The following MALAT1 variants were observed in gnomAD, a reference collection of about 807,000 sequenced individuals.
MALAT1 encodes the protein metastasis associated lung adenocarcinoma transcript 1.
chr11:65,505,346 TGGA>T (rs1165679582), intron 3 of MALAT1: 3 of 518,770 alleles, frequency 5.8e-6, no homozygotes, highest in South Asian at 4.2e-5. Context: ...TCCCTCTTTC[TGGA>T]GTGAAGCATC....
At chr11:65,501,837 T>G (rs770371305) in exon 3 of MALAT1, 7 of 517,326 alleles carry the variant, frequency 1.4e-5, no homozygotes, top group Non-Finnish European at 2.3e-5. Flanking sequence ...AAAGTTTTAT[T>G]AAAGGGGAGG....
chr11:65,498,100 G>C (rs772489516), intron 1 of MALAT1: 9 of 518,798 alleles, frequency 1.7e-5, no homozygotes, highest in Non-Finnish European at 2.7e-5. Flanking sequence ...GCATAACACA[G>C]AATCTGCAAA....
At chr11:65,501,318 C>T (rs768427198) in exon 3 of MALAT1, 12 of 518,334 alleles carry the variant, frequency 2.3e-5, no homozygotes, top group African/African-American at 2.1e-4. Flanking sequence ...CAAGGTGTAA[C>T]AGAAAACAAG....
intron 1 of MALAT1, chr11:65,498,571 G>A (rs1854456091): frequency 1.9e-6 from 1 of 518,764 alleles, no homozygotes. Flanking sequence ...AGCAGTTGGG[G>A]GAGAAAGTCC....
chr11:65,502,669 C>T (rs754519474), exon 3 of MALAT1: 1 of 488,576 alleles, frequency 2.0e-6, no homozygotes, highest in Non-Finnish European at 4.0e-6. Flanking sequence ...TGAGTCATAA[C>T]CAGCCTGGCA....
chr11:65,501,530 A>G (rs764361746), exon 3 of MALAT1: 2 of 518,686 alleles, frequency 3.9e-6, no homozygotes, highest in East Asian at 1.1e-4. Flanking sequence ...GCATTTTGGG[A>G]TGGTCTTAAC....
exon 3 of MALAT1, chr11:65,500,254 C>T (rs1394932082): frequency 2.7e-5 from 14 of 518,326 alleles, no homozygotes; most frequent in South Asian, 1.5e-4. Context: ...AATATAGTAG[C>T]TTAGTTTGAA....
exon 3 of MALAT1, chr11:65,500,782 G>A (rs769842345): frequency 5.8e-6 from 3 of 518,930 alleles, no homozygotes; most frequent in Non-Finnish European, 1.2e-5. Flanking sequence ...CCGTGAGGTC[G>A]GCAATATGTT....
intron 1 of MALAT1, chr11:65,498,184 GTC>G (rs530936764): frequency 1.9e-6 from 1 of 518,898 alleles, no homozygotes; most frequent in South Asian, 1.4e-5. Context: ...GCTGCCCAAG[GTC>G]TCTGTGTCTT....
chr11:65,506,317 CAGG>C, exon 4 of MALAT1: 3 of 464,810 alleles, frequency 6.5e-6, no homozygotes, highest in Non-Finnish European at 1.3e-5. Flanking sequence ...TATAATTTGT[CAGG>C]AGCTTGACTT....
At chr11:65,504,733 A>G (rs1466621449) in intron 3 of MALAT1, 1 of 518,814 alleles carries the variant, frequency 1.9e-6, no homozygotes, top group Non-Finnish European at 3.8e-6. Context: ...GGCAAGTGGA[A>G]ATGTTTAAAC....
intron 3 of MALAT1, chr11:65,505,614 C>T: frequency 1.9e-6 from 1 of 518,974 alleles, no homozygotes; most frequent in Non-Finnish European, 3.8e-6. Context: ...CACCTCGATG[C>T]AGCCAGTAGC....
chr11:65,505,570 G>A (rs766505303), intron 3 of MALAT1: 4 of 515,884 alleles, frequency 7.8e-6, no homozygotes, highest in East Asian at 1.1e-4. Flanking sequence ...TCGCCACCCC[G>A]TGCCTTTTGA....
At chr11:65,498,094 A>G (rs1854433724) in intron 1 of MALAT1, 1 of 518,852 alleles carries the variant, frequency 1.9e-6, no homozygotes, top group South Asian at 1.4e-5. Flanking sequence ...AACCAGGCAT[A>G]ACACAGAATC....
At chr11:65,505,624 C>T (rs186457956) in intron 3 of MALAT1, 20 of 519,020 alleles carry the variant, frequency 3.9e-5, no homozygotes, top group African/African-American at 3.6e-4. Flanking sequence ...CAGCCAGTAG[C>T]TTGGATCCTT....
exon 4 of MALAT1, chr11:65,506,262 G>A (rs1271019200): frequency 2.2e-6 from 1 of 452,046 alleles, no homozygotes; most frequent in Non-Finnish European, 4.3e-6. Context: ...TTGGGGAGGT[G>A]GGAGGTAACA....
chr11:65,498,641 G>A (rs779690682), intron 1 of MALAT1: 4 of 518,610 alleles, frequency 7.7e-6, no homozygotes, highest in South Asian at 5.6e-5. Flanking sequence ...GTAATGGAAA[G>A]TAAAGCCCTG....
In MALAT1 at chr11:65,500,042, CTGG is replaced by C. The variant is rs527337210; in HGVS notation, n.1311_1313del. 416 of 434,402 alleles carry C rather than the reference CTGG, an allele frequency of 9.6e-4. 1 individual carries two copies. The highest frequency in any genetic ancestry group is 7.5e-3 in the African/African-American group (364 of 48,510). The allele number at this position is 434,402 out of a possible 1,614,324, so 26.9% of individuals were successfully genotyped here. Reference sequence around the variant, plus strand: ...TTTTAAAAGCCCATCAATTTAATTTCTGGTGGTGCAGAAGTTAGAAGGTAAAGC... The same window carrying C: ...TTTTAAAAGCCCATCAATTTAATTTCTGGTGCAGAAGTTAGAAGGTAAAGC... On this transcript the variant is annotated non_coding_transcript_exon_variant, in exon 3 of 4. Coordinates refer to ENST00000619449, the Ensembl canonical transcript of MALAT1.
At chr11:65,505,371 T>A (rs772972741) in intron 3 of MALAT1, 1 of 510,430 alleles carries the variant, frequency 2.0e-6, no homozygotes, top group Non-Finnish European at 3.9e-6. Flanking sequence ...GAAGGAATGC[T>A]TGAAGTACCC....
Sources: allele counts gnomAD v4.1 joint callset, GRCh38; gene constraint gnomAD v4.1.1; transcripts MANE v1.5; gene names NCBI Gene and HGNC (gene_info 2026-07-23, HGNC 2026-07-21).